The following KCNS3 variants were observed in gnomAD, a reference collection of about 807,000 sequenced individuals.
KCNS3 encodes the protein potassium voltage-gated channel modifier subfamily S member 3, also known as delayed-rectifier potassium channel regulatory subunit KCNS3.
In KCNS3, 13 loss-of-function variants were observed where a neutral mutation model predicts 31.0. The observed-to-expected ratio is 0.42, with a 90% CI of 0.27 to 0.67. The LOEUF is 0.67. KCNS3 is among the 30% of genes least tolerant of loss of function. The probability of loss-of-function intolerance (pLI) is 0.25; values close to 1 mark genes in which losing one functional copy is unlikely to be tolerated. For missense variants in KCNS3, 545 were observed against 622.4 expected, an observed-to-expected ratio of 0.88 and a Z score of 1.32; for synonymous variants, 238 against 241.5, an observed-to-expected ratio of 0.99 and a Z score of 0.13.
intron 1 of KCNS3, among the ~76,000 whole-genome samples, chr2:17,906,325 A>G (rs981173151): frequency 1.3e-5 from 2 of 151,728 alleles, no homozygotes; most frequent in South Asian, 2.1e-4. Flanking sequence ...GTCACTTTTT[A>G]TTGTGTCTAT....
intron 1 of KCNS3, chr2:17,879,257 C>T (rs535355054): frequency 1.3e-5 from 2 of 152,244 alleles, no homozygotes; most frequent in African/African-American, 2.4e-5. Flanking sequence ...CCGTTCCTTC[C>T]CTTCCTCGAG....
intron 1 of KCNS3, among the ~76,000 whole-genome samples, chr2:17,901,213 GAA>G (rs970717136): frequency 6.6e-6 from 1 of 152,188 alleles, no homozygotes; most frequent in Non-Finnish European, 1.5e-5. Flanking sequence ...TGTGAAGGAA[GAA>G]ATTGAGGGTA....
intron 2 of KCNS3, among the ~76,000 whole-genome samples, chr2:17,921,953 ATATAT>A (rs1662725519): frequency 4.3e-5 from 6 of 138,670 alleles, no homozygotes; most frequent in South Asian, 2.3e-4. Context: ...ATATATATAT[ATATAT>A]AAATACATAT....
At chr2:17,927,932 A>G (rs947926875) in intron 2 of KCNS3, among the ~76,000 whole-genome samples, 5 of 152,172 alleles carry the variant, frequency 3.3e-5, no homozygotes, top group Non-Finnish European at 7.4e-5. Flanking sequence ...TTTTACATAT[A>G]TTGATTGATT....
rs547884773 is a variant in KCNS3, at chr2:17,931,701, C to G, written c.693C>G (p.Ala231=). The change falls in exon 3 of 3, where the codon GCC becomes GCG. Residue 231 remains alanine (A), a synonymous_variant. Transcript: ENST00000304101. This position sits in a 1 kb window ranked among gnomAD's most constrained non-coding sequence, Gnocchi z 5.4. ...VLEGVEIACI[A]WFTGELAVRL... ...AAGGAGTGGAGATCGCGTGCATTGC[C>G]TGGTTCACCGGGGAGCTTGCCGTCC... 3.1e-6 allele frequency: 5 copies of G among 1,614,050 alleles called. No homozygotes were observed. Among genetic ancestry groups the G allele is most frequent in the South Asian group, 2.2e-5 (2 of 91,062 alleles).
intron 2 of KCNS3, among the ~76,000 whole-genome samples, chr2:17,929,458 C>T (rs1000179919): frequency 1.1e-4 from 16 of 152,276 alleles, no homozygotes; most frequent in African/African-American, 3.1e-4. Flanking sequence ...AACTCTGTCA[C>T]GAGACAGTGC....
chr2:17,907,652 C>G (rs1003816968), intron 1 of KCNS3, among the ~76,000 whole-genome samples: 7 of 152,082 alleles, frequency 4.6e-5, no homozygotes, highest in Non-Finnish European at 7.3e-5. Context: ...TAAGGCAGGC[C>G]TGGTGGTGAC....
chr2:17,924,390 T>C lies in KCNS3; in HGVS notation c.-60+6519T>C, dbSNP rs933332285. 1.3e-5 allele frequency among the ~76,000 whole-genome samples: 2 copies of C among 152,138 alleles called. 1 individual carries two copies. The highest frequency in any genetic ancestry group is 4.8e-5 in the African/African-American group (2 of 41,456). On this transcript the variant is annotated intron_variant, in intron 2 of 2. Transcript: ENST00000304101. The stretch of plus-strand genomic sequence containing the variant: ...TCCCTGACTAGAACTTCCAGTACAA[T>C]GTTGAATAAAAGTGGTGGGATTGGA...
At chr2:17,889,890 T>A (rs1661796228) in intron 1 of KCNS3, among the ~76,000 whole-genome samples, 1 of 152,182 alleles carries the variant, frequency 6.6e-6, no homozygotes. Context: ...AGTTTTCTTT[T>A]TTGGTTATAT....
chr2:17,926,703 G>A (rs1338235247), intron 2 of KCNS3, among the ~76,000 whole-genome samples: 1 of 152,222 alleles, frequency 6.6e-6, no homozygotes, highest in Non-Finnish European at 1.5e-5. Flanking sequence ...ATGTTGCAAG[G>A]CTGCACAGAG....
At chr2:17,920,504 T>C in intron 2 of KCNS3, among the ~76,000 whole-genome samples, 1 of 152,344 alleles carries the variant, frequency 6.6e-6, no homozygotes, top group Non-Finnish European at 1.5e-5. Flanking sequence ...GGGTGCCAGT[T>C]GGAGACAACT....
intron 2 of KCNS3, among the ~76,000 whole-genome samples, chr2:17,921,439 A>G (rs1164536090): frequency 6.6e-6 from 1 of 152,170 alleles, no homozygotes; most frequent in Non-Finnish European, 1.5e-5. Flanking sequence ...TTATATTACT[A>G]TTGGGACACT....
At position 17,931,660 on chromosome 2, in the gene KCNS3, G is replaced by A; in HGVS notation, c.652G>A (p.Asp218Asn). The A allele has an allele frequency of 6.2e-7, 1 of 1,614,222 alleles. No homozygotes were observed. Among genetic ancestry groups the A allele is most frequent in the Non-Finnish European group, 8.5e-7 (1 of 1,180,038 alleles). The stretch of plus-strand genomic sequence containing the variant: ...GTTCCAGAATGAGGATGGAGAAGTG[G>A]ATGATCCGGTGCTGGAAGGAGTGGA... ...SEFQNEDGEVDDPVLEGVEIA... is the reference protein window; with the variant it reads ...SEFQNEDGEVNDPVLEGVEIA... The change falls in exon 3 of 3, where the codon GAT becomes AAT. Residue 218 changes from aspartate (D) to asparagine (N), a missense_variant. Coordinates refer to ENST00000304101, the MANE Select transcript of KCNS3 (RefSeq NM_002252.5). This position sits in a 1 kb window ranked among gnomAD's most constrained non-coding sequence, Gnocchi z 5.4.
chr2:17,885,448 A>C (rs1250582704), intron 1 of KCNS3, among the ~76,000 whole-genome samples: 1 of 152,226 alleles, frequency 6.6e-6, no homozygotes, highest in African/African-American at 2.4e-5. Context: ...TATGTGTAGA[A>C]AGAGATTTAT....
At chr2:17,913,623 G>A (rs1662521649) in intron 1 of KCNS3, among the ~76,000 whole-genome samples, 1 of 152,210 alleles carries the variant, frequency 6.6e-6, no homozygotes, top group Admixed American at 6.5e-5. Context: ...AAAAGAACAA[G>A]TGTTGGGAGG....
intron 1 of KCNS3, among the ~76,000 whole-genome samples, chr2:17,916,881 T>TC (rs1450419867): frequency 6.6e-6 from 1 of 151,272 alleles, no homozygotes; most frequent in Non-Finnish European, 1.5e-5. Context: ...TTTTTTTCCC[T>TC]CCCCCTTTTG....
chr2:17,904,585 G>C (rs1662270214), intron 1 of KCNS3, among the ~76,000 whole-genome samples: 1 of 152,108 alleles, frequency 6.6e-6, no homozygotes, highest in African/African-American at 2.4e-5. Context: ...GGGTTTTTAT[G>C]GTTTTAGGTC....
intron 1 of KCNS3, among the ~76,000 whole-genome samples, chr2:17,883,385 C>T (rs371117266): frequency 5.1e-3 from 36 of 7,036 alleles, no homozygotes; most frequent in South Asian, 0.031. Context: ...GTAAAGGAAA[C>T]GGTGGGGGGT....
intron 1 of KCNS3, among the ~76,000 whole-genome samples, chr2:17,906,377 G>A (rs181879777): frequency 9.2e-5 from 14 of 152,184 alleles, no homozygotes; most frequent in Admixed American, 4.6e-4. Flanking sequence ...CTTGCTAGCG[G>A]TCTATCTATT....
Sources: gnomAD v4.1 joint callset for allele counts (sites outside exome capture counted in the v4.1 genomes callset) on GRCh38, gnomAD v4.1.1 for gene constraint, Gnocchi (gnomAD v3.1) non-coding constraint, MANE v1.5 for transcripts, NCBI Gene and HGNC (gene_info 2026-07-23, HGNC 2026-07-21) for gene names.